DNAH8: variants seen among roughly 807,000 people sequenced by gnomAD.
The protein encoded by DNAH8 is axonemal beta dynein heavy chain 8.
DNAH8 carries 382 observed loss-of-function variants against 562.1 expected under a neutral mutation model. The ratio of observed to expected loss-of-function variants is 0.68; its 90% CI spans 0.63 to 0.74. The LOEUF (loss-of-function observed/expected upper bound fraction) is 0.74. Among genes scored for constraint, DNAH8 ranks in the 30% least tolerant of loss-of-function variants. The pLI is 0.00. For missense variants in DNAH8, 5,203 were observed against 5,620.4 expected, an observed-to-expected ratio of 0.93 and a Z score of 2.37; for synonymous variants, 1,881 against 1,919.4, an observed-to-expected ratio of 0.98 and a Z score of 0.52.
Position 38,990,026 on chromosome 6 carries a change from G to A in DNAH8, c.13068G>A (p.Glu4356=). Residue 4356 remains glutamate, a synonymous_variant, in exon 88 of 93, where the codon GAG becomes GAA. Coordinates refer to ENST00000327475, the MANE Select transcript of DNAH8 (RefSeq NM_001206927.2). ...CTCACATACAGGTCTGGTTCAGTGA[G>A]AAGATGTTTGAACCGTCATTCTGCT... ...LNCFARVWFS[E]KMFEPSFCFY... 6.3e-7 allele frequency: 1 copy of A among 1,595,036 alleles called. No individual in the cohort carries two copies. Among genetic ancestry groups the A allele is most frequent in the Non-Finnish European group, 8.6e-7 (1 of 1,165,088 alleles).
At chr6:39,025,299 T>C (rs1239933203) in intron 91 of DNAH8, among the ~76,000 whole-genome samples, 2 of 152,248 alleles carry the variant, frequency 1.3e-5, no homozygotes, top group Non-Finnish European at 1.5e-5. Context: ...TCACGCCTTT[T>C]TTCATAATGA....
intron 1 of DNAH8, among the ~76,000 whole-genome samples, chr6:38,720,292 CCATCCCCATTCCTGGAAACTCTG>C (rs1318471569): frequency 6.6e-6 from 1 of 152,156 alleles, no homozygotes; most frequent in African/African-American, 2.4e-5. Flanking sequence ...GATAGGACTA[CCATCCCCATTCCTGGAAACTCTG>C]CTCTGTAACT....
chr6:38,938,665 A>G (rs1338068641), intron 78 of DNAH8, 133 bp from the exon 79 acceptor site: 1 of 643,886 alleles, frequency 1.6e-6, no homozygotes, highest in African/African-American at 1.8e-5. Flanking sequence ...CTGGGTGATG[A>G]ATTAATCTGT....
intron 88 of DNAH8, among the ~76,000 whole-genome samples, chr6:39,000,275 A>T (rs374055880): frequency 3.5e-4 from 53 of 152,332 alleles, no homozygotes; most frequent in African/African-American, 1.1e-3. Flanking sequence ...GGGTATGTAT[A>T]CATTGCTATG....
chr6:38,782,768 C>T (rs542284643), intron 16 of DNAH8, among the ~76,000 whole-genome samples: 1 of 151,592 alleles, frequency 6.6e-6, no homozygotes, highest in Admixed American at 6.6e-5. Context: ...GGCTGGAGGC[C>T]TCTCTCTTTC....
chr6:38,797,119 C>T (rs1770338172), intron 21 of DNAH8, among the ~76,000 whole-genome samples: 1 of 152,146 alleles, frequency 6.6e-6, no homozygotes, highest in South Asian at 2.1e-4. Flanking sequence ...TGGGGCTGGA[C>T]GCGGTGACTC....
At chr6:39,011,782 T>C (rs898304659) in intron 89 of DNAH8, among the ~76,000 whole-genome samples, 21 of 152,356 alleles carry the variant, frequency 1.4e-4, no homozygotes, top group African/African-American at 4.8e-4. Context: ...TGGTAACTGC[T>C]CTGTAAAGAT....
intron 8 of DNAH8, among the ~76,000 whole-genome samples, chr6:38,746,063 A>T (rs963532128): frequency 6.6e-6 from 1 of 152,194 alleles, no homozygotes; most frequent in Non-Finnish European, 1.5e-5. Context: ...TGCGGCCGTC[A>T]TTACTGTGTT....
chr6:38,954,288 A>G (rs993073665), intron 82 of DNAH8, among the ~76,000 whole-genome samples: 16 of 152,230 alleles, frequency 1.1e-4, no homozygotes, highest in Admixed American at 2.0e-4. Flanking sequence ...AACAAACGAA[A>G]GAGAACAAAT....
At chr6:38,805,622 C>A in intron 23 of DNAH8, 26 bp downstream of exon 23, 1 of 1,289,272 alleles carries the variant, frequency 7.8e-7, no homozygotes, top group Non-Finnish European at 1.1e-6. Context: ...CAACTTCATG[C>A]AATTCACAGA....
At chr6:38,781,505 T>G in intron 16 of DNAH8, 132 bp downstream of exon 16, 2 of 1,106,126 alleles carry the variant, frequency 1.8e-6, no homozygotes, top group Non-Finnish European at 2.5e-6. Flanking sequence ...CAAGGAAAAT[T>G]TAGTTTATAA....
At chr6:39,025,319 G>A (rs1583589544) in intron 91 of DNAH8, among the ~76,000 whole-genome samples, 3 of 152,314 alleles carry the variant, frequency 2.0e-5, no homozygotes, top group African/African-American at 4.8e-5. Context: ...ACAACGTTGT[G>A]TCAATGTCCA....
At chr6:38,982,951 T>C (rs770925298) in intron 86 of DNAH8, among the ~76,000 whole-genome samples, 60 of 152,218 alleles carry the variant, frequency 3.9e-4, no homozygotes, top group Non-Finnish European at 6.8e-4. Context: ...AGGATCTCAC[T>C]TTTATCTTCA....
At chr6:38,963,330 A>G (rs1393945885) in intron 82 of DNAH8, among the ~76,000 whole-genome samples, 1 of 110,718 alleles carries the variant, frequency 9.0e-6, no homozygotes, top group Non-Finnish European at 1.8e-5. Context: ...TTATTGGTGC[A>G]GACATTTAAA....
intron 61 of DNAH8, 148 bp from the exon 62 acceptor site, chr6:38,899,628 A>G (rs2150505720): frequency 1.3e-6 from 1 of 784,042 alleles, no homozygotes; most frequent in East Asian, 2.9e-5. Context: ...TTAAACTTTA[A>G]TTTTAAAAAT....
intron 84 of DNAH8, 128 bp downstream of exon 84, chr6:38,973,941 A>G (rs1763508713): frequency 2.3e-5 from 14 of 609,880 alleles, no homozygotes; most frequent in Admixed American, 3.5e-5. Context: ...ATCTTATACT[A>G]TAATACTATA....
At chr6:38,947,807 G>A (rs1761556074) in intron 80 of DNAH8, among the ~76,000 whole-genome samples, 1 of 151,944 alleles carries the variant, frequency 6.6e-6, no homozygotes, top group Non-Finnish European at 1.5e-5. Context: ...GAGTGCAATG[G>A]CGCAATCTCA....
rs1449972542 is a variant in DNAH8, at chr6:38,863,922, T to C, written c.6360T>C (p.Ile2120=). 1.1e-5 allele frequency: 17 copies of C among 1,611,322 alleles called. No individual in the cohort carries two copies. The highest frequency in any genetic ancestry group is 1.4e-5 in the Non-Finnish European group (16 of 1,179,448). The change falls in exon 45 of 93, where the codon ATT becomes ATC. Residue 2120 remains isoleucine, a synonymous_variant. Coordinates refer to ENST00000327475, the MANE Select transcript of DNAH8 (RefSeq NM_001206927.2). ...GCTGTTTTGATGAGTTTAACAGAATTGAATTGCCTGTATTATCAGTGGCAG... is the reference window on the plus strand; with the variant it reads ...GCTGTTTTGATGAGTTTAACAGAATCGAATTGCCTGTATTATCAGTGGCAG... The part of the protein sequence containing the change: ...SWGCFDEFNR[I]ELPVLSVAAQ...
intron 79 of DNAH8, among the ~76,000 whole-genome samples, chr6:38,941,323 CT>C (rs1320010658): frequency 6.6e-6 from 1 of 152,172 alleles, no homozygotes; most frequent in East Asian, 1.9e-4. Context: ...TCACCGATAA[CT>C]TCTTACTCTT....
Sources: allele counts gnomAD v4.1 joint callset (sites outside exome capture counted in the v4.1 genomes callset), GRCh38; gene constraint gnomAD v4.1.1; transcripts MANE v1.5; gene names NCBI Gene and HGNC (gene_info 2026-07-23, HGNC 2026-07-21).